The following REDIC1 variants were observed in gnomAD, a reference collection of about 807,000 sequenced individuals.
REDIC1 encodes the protein HEI10 Interacting Protein 1.
the REDIC1 span, among the ~76,000 whole-genome samples, chr12:39,642,034 A>G: frequency 2.1e-4 from 32 of 151,880 alleles, no homozygotes; most frequent in African/African-American, 2.9e-4. Context: ...TTTTATTTCT[A>G]TCTCTCTGGT....
At chr12:39,626,226 C>T in the REDIC1 span, 9 of 1,200,496 alleles carry the variant, frequency 7.5e-6, no homozygotes, top group South Asian at 2.6e-5. Context: ...TTACTCGGGC[C>T]CTGACGTTGT....
chr12:39,843,626 GT>G, the REDIC1 span, among the ~76,000 whole-genome samples: 1 of 152,018 alleles, frequency 6.6e-6, no homozygotes, highest in African/African-American at 2.4e-5. Context: ...AATAATAGTT[GT>G]AGGCCAAAGC....
the REDIC1 span, chr12:39,646,429 T>G: frequency 6.5e-7 from 1 of 1,542,940 alleles, no homozygotes; most frequent in East Asian, 2.5e-5. Flanking sequence ...ACTGTGTACC[T>G]TCTAAACTCT....
chr12:39,752,294 T>G, the REDIC1 span, among the ~76,000 whole-genome samples: 2 of 152,130 alleles, frequency 1.3e-5, no homozygotes, highest in African/African-American at 2.4e-5. Flanking sequence ...AGTGGACTCT[T>G]ATGGGAGCAC....
chr12:39,692,074 ATTC>A, the REDIC1 span: 2 of 1,579,948 alleles, frequency 1.3e-6, no homozygotes, highest in Non-Finnish European at 8.6e-7. Flanking sequence ...GGAGGAATAT[ATTC>A]TTTAAAAAGC....
chr12:39,850,824 G>A, the REDIC1 span, among the ~76,000 whole-genome samples: 10 of 151,866 alleles, frequency 6.6e-5, no homozygotes, highest in Non-Finnish European at 1.3e-4. Flanking sequence ...GATATCTATC[G>A]CCATAATAAT....
the REDIC1 span, among the ~76,000 whole-genome samples, chr12:39,683,813 G>T: frequency 6.6e-6 from 1 of 151,964 alleles, no homozygotes; most frequent in Non-Finnish European, 1.5e-5. Context: ...AAGGGAACAT[G>T]TATAGGAAGT....
the REDIC1 span, among the ~76,000 whole-genome samples, chr12:39,894,788 T>C: frequency 1.3e-5 from 2 of 151,188 alleles, no homozygotes; most frequent in African/African-American, 4.9e-5. Flanking sequence ...GATGTAAAGA[T>C]TAGGGAATAA....
chr12:39,875,781 TAACTTAC>T, the REDIC1 span, among the ~76,000 whole-genome samples: 1 of 152,232 alleles, frequency 6.6e-6, no homozygotes, highest in East Asian at 1.9e-4. Context: ...GAGATACATT[TAACTTAC>T]AATTACAAAG....
chr12:39,812,382 C>CTTTTCTT, the REDIC1 span, among the ~76,000 whole-genome samples: 1 of 101,420 alleles, frequency 9.9e-6, no homozygotes, highest in African/African-American at 3.4e-5. Flanking sequence ...CTTTTCTTTT[C>CTTTTCTT]TTTCTTTCTC....
the REDIC1 span, among the ~76,000 whole-genome samples, chr12:39,889,739 C>T: frequency 1.3e-5 from 2 of 151,890 alleles, no homozygotes; most frequent in South Asian, 2.1e-4. Flanking sequence ...ACCATGTTGG[C>T]CAGGATGGTC....
chr12:39,700,767 GT>G, the REDIC1 span, among the ~76,000 whole-genome samples: 2,098 of 152,032 alleles, frequency 0.014, 32 homozygotes, highest in Non-Finnish European at 0.02. Context: ...CCAGAAGAGA[GT>G]GGGGGCCAAT....
At chr12:39,870,736 C>T in the REDIC1 span, among the ~76,000 whole-genome samples, 149 of 152,304 alleles carry the variant, frequency 9.8e-4, no homozygotes, top group African/African-American at 3.6e-3. Flanking sequence ...ACTGATACTG[C>T]AGTTCAGCAC....
At chr12:39,694,627 A>C in the REDIC1 span, among the ~76,000 whole-genome samples, 1 of 152,202 alleles carries the variant, frequency 6.6e-6, no homozygotes, top group African/African-American at 2.4e-5. Context: ...ATTATGGGCT[A>C]AAGTGCTCTG....
chr12:39,685,932 A>G, the REDIC1 span, among the ~76,000 whole-genome samples: 5 of 152,342 alleles, frequency 3.3e-5, no homozygotes, highest in African/African-American at 9.6e-5. Context: ...GGCAGTCACA[A>G]ATCTTAAAGC....
the REDIC1 span, among the ~76,000 whole-genome samples, chr12:39,904,954 A>G: frequency 3.9e-5 from 6 of 152,214 alleles, no homozygotes; most frequent in African/African-American, 1.4e-4. Context: ...TTTTTGATAC[A>G]GACGTGCAGG....
At chr12:39,628,304 T>C in the REDIC1 span, among the ~76,000 whole-genome samples, 1,656 of 152,002 alleles carry the variant, frequency 0.011, 30 homozygotes, top group African/African-American at 0.037. Flanking sequence ...TAAAAAAAAA[T>C]GGGTGTCTCC....
the REDIC1 span, among the ~76,000 whole-genome samples, chr12:39,692,603 T>C: frequency 6.6e-6 from 1 of 152,026 alleles, no homozygotes; most frequent in South Asian, 2.1e-4. Flanking sequence ...CTCTAGTACA[T>C]TTATTATTTT....
chr12:39,708,008 A>G, the REDIC1 span, among the ~76,000 whole-genome samples: 1 of 151,766 alleles, frequency 6.6e-6, no homozygotes, highest in African/African-American at 2.4e-5. Flanking sequence ...ACTAGAGGCT[A>G]GGAAAGGTAG....
Sources: allele counts gnomAD v4.1 joint callset (sites outside exome capture counted in the v4.1 genomes callset), GRCh38; gene constraint gnomAD v4.1.1; transcripts MANE v1.5; gene names NCBI Gene and HGNC (gene_info 2026-07-23, HGNC 2026-07-21).